The following STRN3 variants were observed in gnomAD, a reference collection of about 807,000 sequenced individuals.
STRN3 encodes the protein striatin 3, also known as striatin-3.
Under a neutral mutation model 95.6 loss-of-function variants are expected in STRN3, and 29 were observed. The ratio of observed to expected loss-of-function variants is 0.30; its 90% CI spans 0.23 to 0.41. STRN3 has a LOEUF of 0.41. Among genes scored for constraint, STRN3 ranks in the 10% least tolerant of loss-of-function variants. STRN3 has a pLI of 1.00. For missense variants in STRN3, 890 were observed against 972.1 expected, an observed-to-expected ratio of 0.92 and a Z score of 1.12; for synonymous variants, 331 against 357.6, an observed-to-expected ratio of 0.93 and a Z score of 0.84.
chr14:31,003,503 T>C (rs928483163), intron 1 of STRN3, among the ~76,000 whole-genome samples: 2 of 151,954 alleles, frequency 1.3e-5, no homozygotes, highest in Non-Finnish European at 2.9e-5. Context: ...CATGAATAGA[T>C]TAATGCCTTC....
chr14:31,006,168 G>A (rs1882704609), intron 1 of STRN3, among the ~76,000 whole-genome samples: 2 of 150,598 alleles, frequency 1.3e-5, no homozygotes, highest in Admixed American at 1.3e-4. Context: ...AAGGCACTCT[G>A]AGGAAACCAA....
intron 1 of STRN3, among the ~76,000 whole-genome samples, chr14:30,972,206 C>T (rs952762596): frequency 1.3e-5 from 2 of 152,182 alleles, no homozygotes; most frequent in Admixed American, 6.5e-5. Context: ...CCTGACTCAC[C>T]TGCTCCAATC....
At chr14:30,923,858 A>G (rs1176739239) in intron 8 of STRN3, among the ~76,000 whole-genome samples, 2 of 152,098 alleles carry the variant, frequency 1.3e-5, no homozygotes, top group African/African-American at 2.4e-5. Flanking sequence ...ATTCTAACTA[A>G]AGCCTCCATA....
intron 10 of STRN3, among the ~76,000 whole-genome samples, chr14:30,913,227 A>C (rs1896653839): frequency 6.6e-6 from 1 of 152,174 alleles, no homozygotes; most frequent in African/African-American, 2.4e-5. Flanking sequence ...TTTCTTGTTA[A>C]CACCAAAATA....
chr14:31,013,178 A>G (rs1251414760), intron 1 of STRN3, among the ~76,000 whole-genome samples: 1 of 151,970 alleles, frequency 6.6e-6, no homozygotes, highest in Non-Finnish European at 1.5e-5. Flanking sequence ...AGGTGGGAGG[A>G]TAACACAGGG....
intron 5 of STRN3, 137 bp from the exon 6 acceptor site, chr14:30,936,761 G>T: frequency 9.5e-7 from 1 of 1,057,632 alleles, no homozygotes; most frequent in Non-Finnish European, 1.3e-6. Flanking sequence ...CTTTATTCAA[G>T]AAAAGAAGTT....
At position 30,913,169 on chromosome 14, in the gene STRN3, C is replaced by T. The variant is rs143179659; in HGVS notation, c.1374+355G>A. On this transcript the variant is annotated intron_variant, in intron 10 of 17. Transcript: ENST00000357479. ...AATAAAAGTTCAAAAATAAAACATG[C>T]TTTTTAAGAAGTACTCTGAAGGCAA... is the stretch of plus-strand genomic sequence containing the variant. 2.9e-3 allele frequency among the ~76,000 whole-genome samples: 441 copies of T among 152,050 alleles called. 6 individuals carry two copies. Among genetic ancestry groups the T allele is most frequent in the African/African-American group, 0.01 (419 of 41,472 alleles).
At chr14:31,018,132 G>T (rs1594592052) in intron 1 of STRN3, among the ~76,000 whole-genome samples, 1 of 125,984 alleles carries the variant, frequency 7.9e-6, no homozygotes, top group Middle Eastern at 4.2e-3. Flanking sequence ...AAACCATTTT[G>T]TTAAAAAAAA....
intron 7 of STRN3, among the ~76,000 whole-genome samples, chr14:30,934,139 CA>C (rs1162736242): frequency 6.6e-6 from 1 of 152,094 alleles, no homozygotes; most frequent in East Asian, 1.9e-4. Context: ...TCCTGGCCAA[CA>C]AGGTAAAACC....
At chr14:30,993,587 TTTA>T (rs1036214877) in intron 1 of STRN3, among the ~76,000 whole-genome samples, 39 of 152,114 alleles carry the variant, frequency 2.6e-4, no homozygotes, top group Admixed American at 4.6e-4. Flanking sequence ...TCAAAAGAAA[TTTA>T]TTATTATTAT....
chr14:30,994,619 A>C (rs992494547), intron 1 of STRN3, among the ~76,000 whole-genome samples: 9 of 152,242 alleles, frequency 5.9e-5, no homozygotes, highest in African/African-American at 2.2e-4. Context: ...AAAACTAAAT[A>C]TAAAACTTCC....
chr14:31,004,768 C>T (rs777587352), intron 1 of STRN3, among the ~76,000 whole-genome samples: 2 of 151,444 alleles, frequency 1.3e-5, no homozygotes, highest in East Asian at 1.9e-4. Flanking sequence ...AGTGAAACTC[C>T]GTATTGAAAA....
At chr14:30,922,125 G>A (rs1053484355) in intron 8 of STRN3, among the ~76,000 whole-genome samples, 1 of 152,090 alleles carries the variant, frequency 6.6e-6, no homozygotes, top group African/African-American at 2.4e-5. Flanking sequence ...TTAGGCTCAG[G>A]CAATCCACCT....
intron 1 of STRN3, among the ~76,000 whole-genome samples, chr14:30,993,192 T>C (rs1399285275): frequency 6.6e-6 from 1 of 151,298 alleles, no homozygotes; most frequent in African/African-American, 2.4e-5. Flanking sequence ...GAGGTTGAGG[T>C]TGCAGTGAGC....
intron 1 of STRN3, among the ~76,000 whole-genome samples, chr14:30,989,256 C>T (rs1398963261): frequency 6.6e-6 from 1 of 152,136 alleles, no homozygotes. Flanking sequence ...ATTCTGACTA[C>T]CTTCTTCACC....
chr14:30,895,025 C>A lies in STRN3; in HGVS notation c.*386G>T. The A allele has an allele frequency of 4.3e-6, 1 of 230,456 alleles. No homozygotes were observed. The highest frequency in any genetic ancestry group is 4.8e-5 in the South Asian group (1 of 21,044). 14.3% of individuals were successfully genotyped at this position (230,456 alleles called of 1,614,324 possible). On this transcript the variant is annotated 3_prime_UTR_variant, in exon 18 of 18. Coordinates refer to ENST00000357479, the MANE Select transcript of STRN3 (RefSeq NM_001083893.2). ...CTTCCCCCAACAAGAGCACCACATT[C>A]CTAACCCCTAAGGCAGCACACAGAG...
At chr14:30,940,021 C>T (rs1879017043) in intron 5 of STRN3, among the ~76,000 whole-genome samples, 1 of 151,852 alleles carries the variant, frequency 6.6e-6, no homozygotes, top group Non-Finnish European at 1.5e-5. Flanking sequence ...GAAATAACTG[C>T]CTAGTGTGTT....
At chr14:31,002,252 T>C (rs1208766598) in intron 1 of STRN3, among the ~76,000 whole-genome samples, 1 of 145,208 alleles carries the variant, frequency 6.9e-6, no homozygotes, top group Non-Finnish European at 1.5e-5. Context: ...GGCAGGCGGA[T>C]CACAAGGTCA....
intron 5 of STRN3, among the ~76,000 whole-genome samples, chr14:30,941,045 C>T (rs973795699): frequency 2.0e-5 from 3 of 152,148 alleles, no homozygotes; most frequent in African/African-American, 7.2e-5. Flanking sequence ...CCTGCCTTTT[C>T]CACCATGCGA....
Sources: allele counts gnomAD v4.1 joint callset (sites outside exome capture counted in the v4.1 genomes callset), GRCh38; gene constraint gnomAD v4.1.1; transcripts MANE v1.5; gene names NCBI Gene and HGNC (gene_info 2026-07-23, HGNC 2026-07-21).